MCTP1: variants seen among roughly 807,000 people sequenced by gnomAD.
The protein encoded by MCTP1 is multiple C2 and transmembrane domain-containing protein 1.
A neutral mutation model predicts 120.6 loss-of-function variants in MCTP1; 69 were observed. The observed-to-expected ratio is 0.57, with a 90% CI of 0.47 to 0.70. MCTP1 has a LOEUF of 0.70. Among genes scored for constraint, MCTP1 ranks in the 30% least tolerant of loss-of-function variants. MCTP1 has a pLI of 0.00. For missense variants in MCTP1, 1,203 were observed against 1,248.8 expected, an observed-to-expected ratio of 0.96 and a Z score of 0.55; for synonymous variants, 529 against 493.1, an observed-to-expected ratio of 1.07 and a Z score of -0.96.
intron 1 of MCTP1, among the ~76,000 whole-genome samples, chr5:95,266,287 A>G (rs1484121634): frequency 6.6e-6 from 1 of 152,206 alleles, no homozygotes; most frequent in Non-Finnish European, 1.5e-5. Flanking sequence ...TTTCATAAGA[A>G]TTGTTACTGA....
At chr5:95,152,559 C>A (rs376913222) in intron 1 of MCTP1, among the ~76,000 whole-genome samples, 1 of 152,120 alleles carries the variant, frequency 6.6e-6, no homozygotes, top group Non-Finnish European at 1.5e-5. Context: ...AGTTTGGACC[C>A]AGAAAGTGAG....
In MCTP1 at chr5:95,075,405, GT is replaced by G. The variant is rs1319657180; in HGVS notation, c.721-57922del. Among the ~76,000 whole-genome samples the G allele has an allele frequency of 2.6e-5, 4 of 152,150 alleles. No homozygotes were observed. The East Asian group carries it at 7.7e-4, about 29-fold the overall frequency. ...AGTTAACTTATCAAAGTGATGTTTGGTTTTTAGTTAACCTTCTCCTTAATTT... is the reference window on the plus strand; with the variant it reads ...AGTTAACTTATCAAAGTGATGTTTGGTTTTAGTTAACCTTCTCCTTAATTT... On this transcript the variant is annotated intron_variant, in intron 1 of 22. Coordinates refer to ENST00000515393, the MANE Select transcript of MCTP1 (RefSeq NM_024717.7).
In MCTP1 at chr5:95,044,899, T is replaced by C. The variant is rs536315555; in HGVS notation, c.721-27415A>G. ...AGTGATGATCCTCCTTTTGCTCTTA[T>C]TCCTCTTAAATTCAGTCTCCCACAA... On this transcript the variant is annotated intron_variant, in intron 1 of 22. Coordinates refer to ENST00000515393, the MANE Select transcript of MCTP1 (RefSeq NM_024717.7). Among the ~76,000 whole-genome samples the C allele has an allele frequency of 4.6e-5, 7 of 152,210 alleles. No homozygotes were observed. In the East Asian group the frequency reaches 1.2e-3, roughly 25 times the overall value.
chr5:94,778,175 C>T (rs1199366291), intron 19 of MCTP1, among the ~76,000 whole-genome samples: 2 of 151,908 alleles, frequency 1.3e-5, no homozygotes, highest in Non-Finnish European at 2.9e-5. Context: ...ATACTGTTTT[C>T]CTCCTTTCTT....
At chr5:95,128,545 T>C (rs564930452) in intron 1 of MCTP1, among the ~76,000 whole-genome samples, 8 of 152,164 alleles carry the variant, frequency 5.3e-5, no homozygotes, top group Non-Finnish European at 8.8e-5. Context: ...AAAAATATAA[T>C]GCTAAGTGAA....
At chr5:95,132,645 T>C (rs1759134764) in intron 1 of MCTP1, among the ~76,000 whole-genome samples, 4 of 152,202 alleles carry the variant, frequency 2.6e-5, no homozygotes. Context: ...CTCTATCCTC[T>C]GCCAGGTGTG....
intron 2 of MCTP1, chr5:94,976,596 G>A (rs1368593074): frequency 6.6e-6 from 1 of 152,072 alleles, no homozygotes; most frequent in Non-Finnish European, 1.5e-5. Flanking sequence ...CCAGAATAAA[G>A]GTGTTTGGAT....
At chr5:95,270,646 C>G (rs1428146471) in intron 1 of MCTP1, among the ~76,000 whole-genome samples, 1 of 151,994 alleles carries the variant, frequency 6.6e-6, no homozygotes, top group Non-Finnish European at 1.5e-5. Flanking sequence ...AGATAGACTG[C>G]GGGCCGGGCA....
chr5:94,833,800 T>G (rs1789097726), intron 17 of MCTP1, among the ~76,000 whole-genome samples: 1 of 152,000 alleles, frequency 6.6e-6, no homozygotes, highest in African/African-American at 2.4e-5. Flanking sequence ...AAAATTGGGG[T>G]GGGTGATGAC....
intron 1 of MCTP1, among the ~76,000 whole-genome samples, chr5:95,143,328 G>A (rs774908483): frequency 7.2e-5 from 11 of 152,096 alleles, no homozygotes; most frequent in Admixed American, 5.9e-4. Context: ...AACACATCTT[G>A]CTGTAAAGTT....
chr5:95,164,963 G>A (rs1446656435), intron 1 of MCTP1, among the ~76,000 whole-genome samples: 2 of 152,058 alleles, frequency 1.3e-5, no homozygotes, highest in African/African-American at 4.8e-5. Context: ...GGAGTCCTCT[G>A]CATCCAGCAG....
At chr5:95,261,856 T>C (rs1389526527) in intron 1 of MCTP1, among the ~76,000 whole-genome samples, 1 of 152,244 alleles carries the variant, frequency 6.6e-6, no homozygotes, top group Non-Finnish European at 1.5e-5. Context: ...GGAATCAAGA[T>C]TGGACAGAAG....
At position 94,920,742 on chromosome 5, in the gene MCTP1, AAAATAAATAAAT is replaced by A. The variant is rs113227976; in HGVS notation, c.1273-2781_1273-2770del. 3.9e-3 allele frequency among the ~76,000 whole-genome samples: 560 copies of A among 142,108 alleles called. 5 individuals are homozygous for A. The highest frequency in any genetic ancestry group is 4.1e-3 in the East Asian group (20 of 4,936). 93.2% of individuals were successfully genotyped at this position (142,108 alleles called of 152,430 possible). On this transcript the variant is annotated intron_variant, in intron 7 of 22. Transcript: ENST00000515393. ...GGGCGACAGAGGGAGATTCCGTCTCAAAATAAATAAATAAATAAATAAATAAATAAATAAATA... is the reference window on the plus strand; with the variant it reads ...GGGCGACAGAGGGAGATTCCGTCTCAAAATAAATAAATAAATAAATAAATA...
intron 1 of MCTP1, among the ~76,000 whole-genome samples, chr5:95,051,889 G>A (rs1746019551): frequency 6.6e-6 from 1 of 152,070 alleles, no homozygotes; most frequent in South Asian, 2.1e-4. Context: ...TACTTAAGGT[G>A]GAGGGTGGAG....
At position 95,100,258 on chromosome 5, in the gene MCTP1, A is replaced by G. The variant is rs1554206693; in HGVS notation, c.721-82774T>C. 2.6e-5 allele frequency among the ~76,000 whole-genome samples: 4 copies of G among 151,970 alleles called. No homozygotes were observed. The South Asian group carries it at 8.3e-4, about 32-fold the overall frequency. ...CTGCACATTGTGCACATGTACCCTAAAACTTAAAGTATAATAATAAAAAAA... is the reference window on the plus strand; with the variant it reads ...CTGCACATTGTGCACATGTACCCTAGAACTTAAAGTATAATAATAAAAAAA... On this transcript the variant is annotated intron_variant, in intron 1 of 22. Transcript: ENST00000515393.
At position 94,870,509 on chromosome 5, in the gene MCTP1, T is replaced by C; in HGVS notation, c.2242-18A>G. 1 of 1,490,146 alleles carries C rather than the reference T, an allele frequency of 6.7e-7. No homozygotes were observed. Among genetic ancestry groups the C allele is most frequent in the Middle Eastern group, 1.7e-4 (1 of 5,848 alleles). The allele number at this position is 1,490,146 out of a possible 1,614,324, so 92.3% of individuals were successfully genotyped here. ...GCTTTCACCTATACATCAACATATG[T>C]GTCTGTTATGGATTAATATATTACA... On this transcript the variant is annotated intron_variant, in intron 15 of 22. Transcript: ENST00000515393.
chr5:95,210,427 A>G (rs1386044658), intron 1 of MCTP1, among the ~76,000 whole-genome samples: 1 of 150,646 alleles, frequency 6.6e-6, no homozygotes, highest in African/African-American at 2.4e-5. Context: ...ACCATTATGT[A>G]GTGGCCTTCT....
intron 1 of MCTP1, among the ~76,000 whole-genome samples, chr5:95,217,923 T>G (rs1562248353): frequency 1.3e-5 from 2 of 152,096 alleles, no homozygotes; most frequent in Admixed American, 1.3e-4. Context: ...GGACCTCTTA[T>G]TATTAGATAT....
chr5:94,774,419 C>T (rs887617065), intron 19 of MCTP1, among the ~76,000 whole-genome samples: 1 of 152,050 alleles, frequency 6.6e-6, no homozygotes, highest in African/African-American at 2.4e-5. Flanking sequence ...AGATTCTCCA[C>T]TGATAGATTT....
Sources: gnomAD v4.1 joint callset for allele counts (sites outside exome capture counted in the v4.1 genomes callset) on GRCh38, gnomAD v4.1.1 for gene constraint, MANE v1.5 for transcripts, NCBI Gene and HGNC (gene_info 2026-07-23, HGNC 2026-07-21) for gene names.